Variants in SENP6 observed in about 807,000 individuals in gnomAD.
SENP6 encodes sentrin-specific protease 6.
Under a neutral mutation model 134.5 loss-of-function variants are expected in SENP6, and 41 were observed. The observed-to-expected ratio is 0.30, with a 90% CI of 0.24 to 0.40. The LOEUF (loss-of-function observed/expected upper bound fraction) is 0.40, where lower values mean the gene tolerates loss of function less well. Ranked by LOEUF, SENP6 falls within the 10% of genes least tolerant of loss-of-function variation. SENP6 has a pLI of 1.00. For missense variants in SENP6, 1,248 were observed against 1,312.5 expected, an observed-to-expected ratio of 0.95 and a Z score of 0.76; for synonymous variants, 395 against 429.8, an observed-to-expected ratio of 0.92 and a Z score of 1.00.
intron 16 of SENP6, among the ~76,000 whole-genome samples, chr6:75,689,260 T>TATA (rs1276268105): frequency 6.6e-6 from 1 of 152,102 alleles, no homozygotes; most frequent in Non-Finnish European, 1.5e-5. Flanking sequence ...TCTTTATAGA[T>TATA]AAGTCAAAAG....
chr6:75,649,807 G>T (rs532922537), intron 7 of SENP6, among the ~76,000 whole-genome samples: 1 of 152,220 alleles, frequency 6.6e-6, no homozygotes, highest in Non-Finnish European at 1.5e-5. Flanking sequence ...CAGCCACCGC[G>T]CCTGGCCCTT....
At chr6:75,660,601 G>A (rs371021968) in intron 8 of SENP6, among the ~76,000 whole-genome samples, 18 of 151,734 alleles carry the variant, frequency 1.2e-4, no homozygotes, top group African/African-American at 4.3e-4. Flanking sequence ...CTGCTTTTTA[G>A]TATAACAAGA....
chr6:75,652,696 A>AAAAAAAAAAAAAAAAAAAAAAAAAG, intron 7 of SENP6, among the ~76,000 whole-genome samples: 1 of 148,716 alleles, frequency 6.7e-6, no homozygotes, highest in East Asian at 2.1e-4. Flanking sequence ...AAAAAAAAAA[A>AAAAAAAAAAAAAAAAAAAAAAAAAG]AAAAAAAGAA....
chr6:75,658,602 T>C (rs888501374), intron 7 of SENP6, among the ~76,000 whole-genome samples: 5 of 152,056 alleles, frequency 3.3e-5, no homozygotes, highest in Admixed American at 6.6e-5. Flanking sequence ...ATGAAAATTA[T>C]TAAATTTACA....
At chr6:75,607,419 TC>T (rs1384619782) in intron 1 of SENP6, among the ~76,000 whole-genome samples, 6 of 152,176 alleles carry the variant, frequency 3.9e-5, no homozygotes, top group Non-Finnish European at 7.4e-5. Flanking sequence ...GCTAGCTTGT[TC>T]CTATAAACTT....
At chr6:75,608,252 G>A in intron 1 of SENP6, among the ~76,000 whole-genome samples, 1 of 152,172 alleles carries the variant, frequency 6.6e-6, no homozygotes, top group South Asian at 2.1e-4. Context: ...CTTGAGCCCA[G>A]GAGTTCAAGA....
In SENP6 at chr6:75,716,258, A is replaced by G. The variant is rs1776015489; in HGVS notation, c.*664A>G. The G allele has an allele frequency of 6.6e-6, 1 of 152,006 alleles. No homozygotes were observed. Among genetic ancestry groups the G allele is most frequent in the Non-Finnish European group, 1.5e-5 (1 of 67,866 alleles). The allele number at this position is 152,006 out of a possible 1,614,324, so 9.4% of individuals were successfully genotyped here. The stretch of plus-strand genomic sequence containing the variant: ...ATACTACTAAAAAAAAAATTCTTGC[A>G]TATATTATCATCAAATGCATTTTTG... On this transcript the variant is annotated 3_prime_UTR_variant, in exon 24 of 24. Coordinates refer to ENST00000447266, the MANE Select transcript of SENP6 (RefSeq NM_015571.4).
chr6:75,620,082 C>CAA (rs10526946), intron 1 of SENP6, among the ~76,000 whole-genome samples: 2,297 of 127,568 alleles, frequency 0.018, 67 homozygotes, highest in African/African-American at 0.057. Flanking sequence ...TACCTTGCCT[C>CAA]AAAAAAAAAA....
chr6:75,692,771 T>C (rs1425863056), intron 16 of SENP6, among the ~76,000 whole-genome samples: 1 of 150,906 alleles, frequency 6.6e-6, no homozygotes, highest in Non-Finnish European at 1.5e-5. Context: ...CTGTGGCTCT[T>C]CCTCCTTCCC....
At position 75,633,686 on chromosome 6, in the gene SENP6, C is replaced by T. The variant is rs774593529; in HGVS notation, c.313C>T (p.Pro105Ser). ...AAGTTTTAAAACTTTGAAAGGCAAC[C>T]CAATTGGACTTAACATGTTGAGCAA... is the stretch of plus-strand genomic sequence containing the variant. Reference protein sequence around the residue: ...SESFKTLKGNPIGLNMLSNNK... With the variant: ...SESFKTLKGNSIGLNMLSNNK... The change falls in exon 4 of 24, where the codon CCA becomes TCA. Residue 105 changes from proline (P) to serine (S), a missense_variant. This residue lies in a region of SENP6 where 733 missense variants were observed against 725.4 expected (regional missense o/e 1.01). Coordinates refer to ENST00000447266, the MANE Select transcript of SENP6 (RefSeq NM_015571.4). 1 of 1,611,398 alleles carries T rather than the reference C, an allele frequency of 6.2e-7. No homozygotes were observed. The highest frequency in any genetic ancestry group is 8.5e-7 in the Non-Finnish European group (1 of 1,179,004).
At chr6:75,711,581 G>A (rs1264677310) in intron 21 of SENP6, among the ~76,000 whole-genome samples, 165 bp downstream of exon 21, 1 of 152,150 alleles carries the variant, frequency 6.6e-6, no homozygotes, top group African/African-American at 2.4e-5. Context: ...AAAATGGGAA[G>A]AATGGGTAAT....
chr6:75,693,429 A>AAC (rs1168261608), intron 16 of SENP6, among the ~76,000 whole-genome samples: 1 of 145,422 alleles, frequency 6.9e-6, no homozygotes, highest in East Asian at 1.9e-4. Context: ...AAAAAAAAAA[A>AAC]CACCAAAGTA....
At chr6:75,688,070 C>G (rs535717288) in intron 16 of SENP6, among the ~76,000 whole-genome samples, 1 of 152,218 alleles carries the variant, frequency 6.6e-6, no homozygotes, top group Admixed American at 6.5e-5. Flanking sequence ...GCTTCCTGGC[C>G]GCTTTGTTTA....
intron 19 of SENP6, among the ~76,000 whole-genome samples, chr6:75,705,440 G>A (rs139319741): frequency 0.015 from 2,327 of 152,230 alleles, 58 homozygotes; most frequent in African/African-American, 0.054. Context: ...AGCTACTCAG[G>A]AGGCTGAGGC....
intron 19 of SENP6, 136 bp downstream of exon 19, chr6:75,703,208 C>T (rs1164880321): frequency 1.4e-6 from 1 of 740,252 alleles, no homozygotes; most frequent in East Asian, 2.9e-5. Context: ...ATAATCCCAG[C>T]ACTTTGGGAG....
chr6:75,616,762 A>T (rs1362923018), intron 1 of SENP6, among the ~76,000 whole-genome samples: 1 of 151,906 alleles, frequency 6.6e-6, no homozygotes, highest in Admixed American at 6.6e-5. Context: ...AAAAAAAAAA[A>T]AAGGAATTGT....
chr6:75,613,844 T>C (rs564596589), intron 1 of SENP6, among the ~76,000 whole-genome samples: 1 of 152,340 alleles, frequency 6.6e-6, no homozygotes, highest in Admixed American at 6.5e-5. Flanking sequence ...CAAACATTTT[T>C]CCACTTTCAT....
At chr6:75,640,741 A>G in intron 6 of SENP6, 37 bp downstream of exon 6, 1 of 1,289,760 alleles carries the variant, frequency 7.8e-7, no homozygotes, top group Non-Finnish European at 1.1e-6. Context: ...GCATGGATAT[A>G]GTGGTAAAAT....
At chr6:75,656,255 T>G (rs1771331035) in intron 7 of SENP6, among the ~76,000 whole-genome samples, 1 of 151,262 alleles carries the variant, frequency 6.6e-6, no homozygotes, top group Non-Finnish European at 1.5e-5. Flanking sequence ...AGCTACAAAA[T>G]CTAGTAGGGA....
Sources: gnomAD v4.1 joint callset for allele counts (sites outside exome capture counted in the v4.1 genomes callset) on GRCh38, gnomAD v4.1.1 for gene constraint, gnomAD v4.1.1 regional missense constraint, MANE v1.5 for transcripts, NCBI Gene and HGNC (gene_info 2026-07-23, HGNC 2026-07-21) for gene names.